The following BTRC variants were observed in gnomAD, a reference collection of about 807,000 sequenced individuals.
BTRC encodes the protein F-box/WD repeat-containing protein 1A.
In BTRC, 42 loss-of-function variants were observed where a neutral mutation model predicts 85.5. The ratio of observed to expected loss-of-function variants is 0.49; its 90% CI spans 0.38 to 0.64. The LOEUF (loss-of-function observed/expected upper bound fraction) is 0.64. Ranked by LOEUF, BTRC falls within the 30% of genes least tolerant of loss-of-function variation. BTRC has a pLI of 0.00. For synonymous variants in BTRC, 255 were observed against 263.3 expected (o/e 0.97, Z 0.30); for missense variants, 594 against 743.5 (o/e 0.80, Z 2.34).
Position 101,532,370 on chromosome 10 carries a change from G to A in BTRC, c.916G>A (p.Val306Ile). The A allele has an allele frequency of 1.2e-6, 2 of 1,613,812 alleles. No homozygotes were observed. Among genetic ancestry groups the A allele is most frequent in the South Asian group, 2.2e-5 (2 of 91,036 alleles). Residue 306 changes from valine to isoleucine, a missense_variant, in exon 8 of 15, where the codon GTT becomes ATT. This residue lies in a region of BTRC where 373 missense variants were observed against 503.6 expected (regional missense o/e 0.74). Transcript: ENST00000370187. ...IHCRSETSKGVYCLQYDDQKI... is the reference protein window; with the variant it reads ...IHCRSETSKGIYCLQYDDQKI... ...CTGCCGAAGTGAAACAAGCAAAGGA[G>A]TTTACTGTTTACAGTATGATGATCA...
rs560027218 is a variant in BTRC, at chr10:101,535,339, C to T, written c.1348-15C>T. 9 of 1,595,370 alleles carry T rather than the reference C, an allele frequency of 5.6e-6. No individual in the cohort carries two copies. In the East Asian group the frequency reaches 1.8e-4, roughly 32 times the overall value. Reference sequence around the variant, plus strand: ...AAGCACCAAATCAACTGCTCAATGCCATTTTCTTTTTCAGGTATGGAACAC... The same window carrying T: ...AAGCACCAAATCAACTGCTCAATGCTATTTTCTTTTTCAGGTATGGAACAC... On this transcript the variant is annotated splice_polypyrimidine_tract_variant and intron_variant, in intron 10 of 14. Transcript: ENST00000370187.
intron 13 of BTRC, among the ~76,000 whole-genome samples, chr10:101,541,193 C>T (rs1230696616): frequency 1.3e-5 from 2 of 150,282 alleles, no homozygotes; most frequent in African/African-American, 4.9e-5. Context: ...TGATCTTAGG[C>T]GAAAGGCATT....
rs528283242 is a variant in BTRC at position 101,509,703 on chromosome 10, C to T, written c.325-11936C>T. 3.4e-5 allele frequency among the ~76,000 whole-genome samples: 5 copies of T among 149,116 alleles called. No individual in the cohort carries two copies. In the South Asian group the frequency reaches 8.5e-4, roughly 25 times the overall value. ...AAGTAACTGAGACTACAGGCATGCA[C>T]CACCACACACAGCTAATTTTTTTTT... On this transcript the variant is annotated intron_variant, in intron 4 of 14. Coordinates refer to ENST00000370187, the MANE Select transcript of BTRC (RefSeq NM_033637.4).
chr10:101,456,803 A>T (rs1945095062), intron 2 of BTRC, among the ~76,000 whole-genome samples: 1 of 152,220 alleles, frequency 6.6e-6, no homozygotes. Context: ...ATTCTAAGCT[A>T]GTAAGCACTG....
intron 1 of BTRC, among the ~76,000 whole-genome samples, chr10:101,419,353 G>C (rs1393038949): frequency 1.3e-5 from 2 of 152,130 alleles, no homozygotes; most frequent in African/African-American, 2.4e-5. Context: ...GGGCACAGCT[G>C]ACCTGGGCCT....
chr10:101,552,276 C>T (rs1285073326), intron 14 of BTRC, among the ~76,000 whole-genome samples: 1 of 151,984 alleles, frequency 6.6e-6, no homozygotes, highest in Non-Finnish European at 1.5e-5. Flanking sequence ...GCAACCTCCA[C>T]CTCCTGGGCT....
chr10:101,520,693 C>T (rs2062090885), intron 4 of BTRC, among the ~76,000 whole-genome samples: 1 of 152,200 alleles, frequency 6.6e-6, no homozygotes, highest in African/African-American at 2.4e-5. Context: ...CACGGTGGCT[C>T]ATGCCTGTAA....
At chr10:101,419,386 A>G (rs1038308923) in intron 1 of BTRC, among the ~76,000 whole-genome samples, 3 of 152,046 alleles carry the variant, frequency 2.0e-5, no homozygotes, top group African/African-American at 4.8e-5. Flanking sequence ...TCTCTCTCAC[A>G]AGGCCATAAT....
intron 4 of BTRC, among the ~76,000 whole-genome samples, chr10:101,510,867 A>G (rs942259081): frequency 1.3e-5 from 2 of 152,144 alleles, no homozygotes; most frequent in Non-Finnish European, 2.9e-5. Context: ...TCTTTTAAAC[A>G]TTTCCTAATC....
rs1437355323 is a variant in BTRC, at chr10:101,554,777, C to T, written c.*1654C>T. 1.3e-5 allele frequency: 2 copies of T among 152,588 alleles called. No individual in the cohort carries two copies. Among genetic ancestry groups the T allele is most frequent in the Non-Finnish European group, 2.9e-5 (2 of 68,060 alleles). The allele number at this position is 152,588 out of a possible 1,614,324, so 9.5% of individuals were successfully genotyped here. On this transcript the variant is annotated 3_prime_UTR_variant, in exon 15 of 15. Coordinates refer to ENST00000370187, the MANE Select transcript of BTRC (RefSeq NM_033637.4). ...CTGCCAAGCTAGTGGGCTTCAGGTGCAAGGGTACCTGTGCCACACCAACCT... is the reference window on the plus strand; with the variant it reads ...CTGCCAAGCTAGTGGGCTTCAGGTGTAAGGGTACCTGTGCCACACCAACCT...
chr10:101,439,217 G>A (rs189640732), intron 2 of BTRC, among the ~76,000 whole-genome samples: 1 of 152,324 alleles, frequency 6.6e-6, no homozygotes, highest in Admixed American at 6.5e-5. Flanking sequence ...TTTGTTTTCT[G>A]AGATGGAAAC....
chr10:101,458,518 A>C lies in BTRC; in HGVS notation c.157-3463A>C, dbSNP rs560876795. Among the ~76,000 whole-genome samples the C allele has an allele frequency of 1.1e-4, 17 of 152,318 alleles. No individual in the cohort carries two copies. The South Asian group carries it at 3.5e-3, about 32-fold the overall frequency. Reference sequence around the variant, plus strand: ...ATGTAAATTTTAATGGTGGGGAAACAATCAGGAAATTAATATTGATACAGT... The same window carrying C: ...ATGTAAATTTTAATGGTGGGGAAACCATCAGGAAATTAATATTGATACAGT... On this transcript the variant is annotated intron_variant, in intron 2 of 14. Coordinates refer to ENST00000370187, the MANE Select transcript of BTRC (RefSeq NM_033637.4).
chr10:101,354,395 T>G (rs1590189553), intron 1 of BTRC, 167 bp downstream of exon 1: 1 of 738,058 alleles, frequency 1.4e-6, no homozygotes. Flanking sequence ...AGGCTGGGGG[T>G]TGCGGAGCGG....
intron 1 of BTRC, among the ~76,000 whole-genome samples, chr10:101,387,092 G>T (rs907986530): frequency 6.6e-6 from 1 of 151,960 alleles, no homozygotes; most frequent in Admixed American, 6.6e-5. Context: ...TACATGCATT[G>T]ATCAGTTTTT....
At chr10:101,389,117 GTGTTTTTTTTTTTT>G (rs1228421357) in intron 1 of BTRC, among the ~76,000 whole-genome samples, 8 of 53,050 alleles carry the variant, frequency 1.5e-4, no homozygotes, top group Admixed American at 7.3e-4. Flanking sequence ...TTTTTTGTGT[GTGTTTTTTTTTTTT>G]TTTTTTTTTT....
At chr10:101,465,520 G>A (rs558334083) in intron 3 of BTRC, among the ~76,000 whole-genome samples, 1 of 152,226 alleles carries the variant, frequency 6.6e-6, no homozygotes, top group South Asian at 2.1e-4. Flanking sequence ...ATAGCCTGAT[G>A]TCTATTAAAT....
At chr10:101,427,113 C>CTTTTTTTTTT (rs138285266) in intron 1 of BTRC, among the ~76,000 whole-genome samples, 31 of 109,360 alleles carry the variant, frequency 2.8e-4, no homozygotes, top group South Asian at 1.2e-3. Flanking sequence ...TTTTTTCTTT[C>CTTTTTTTTTT]TTTTTTTTTT....
intron 13 of BTRC, among the ~76,000 whole-genome samples, chr10:101,549,989 T>C (rs2062624752): frequency 6.6e-6 from 1 of 152,186 alleles, no homozygotes; most frequent in East Asian, 1.9e-4. Context: ...CCGATGGTTT[T>C]ACAAAGTAGC....
chr10:101,416,202 G>A (rs1943942081), intron 1 of BTRC, among the ~76,000 whole-genome samples: 1 of 151,852 alleles, frequency 6.6e-6, no homozygotes, highest in Non-Finnish European at 1.5e-5. Flanking sequence ...TCCTTTATTA[G>A]GCTGAATAAT....
Sources: gnomAD v4.1 joint callset for allele counts (sites outside exome capture counted in the v4.1 genomes callset) on GRCh38, gnomAD v4.1.1 for gene constraint, gnomAD v4.1.1 regional missense constraint, MANE v1.5 for transcripts, NCBI Gene and HGNC (gene_info 2026-07-23, HGNC 2026-07-21) for gene names.